The following EHBP1 variants were observed in gnomAD, a reference collection of about 807,000 sequenced individuals.
The protein encoded by EHBP1 is EH domain binding protein 1.
EHBP1 carries 55 observed loss-of-function variants against 144.0 expected under a neutral mutation model. The ratio of observed to expected loss-of-function variants is 0.38; its 90% CI spans 0.31 to 0.48. The LOEUF is 0.48. Among genes scored for constraint, EHBP1 ranks in the 20% least tolerant of loss-of-function variants. The pLI is 0.98. For missense variants in EHBP1, 1,200 were observed against 1,364.2 expected (o/e 0.88, Z 1.90); for synonymous variants, 469 against 472.7 (o/e 0.99, Z 0.10).
chr2:62,833,412 T>C (rs2046968018), intron 7 of EHBP1, among the ~76,000 whole-genome samples: 1 of 152,262 alleles, frequency 6.6e-6, no homozygotes, highest in African/African-American at 2.4e-5. Context: ...AGCCTTCTAT[T>C]GGAAGAAGAT....
chr2:62,742,500 G>A (rs1228747515), intron 2 of EHBP1, among the ~76,000 whole-genome samples: 2 of 151,964 alleles, frequency 1.3e-5, no homozygotes, highest in Non-Finnish European at 2.9e-5. Context: ...TGGAGAAATG[G>A]GAATTTTAAT....
At chr2:62,692,719 A>G (rs539573043) in intron 1 of EHBP1, among the ~76,000 whole-genome samples, 12 of 151,122 alleles carry the variant, frequency 7.9e-5, no homozygotes, top group Non-Finnish European at 1.6e-4. Flanking sequence ...GCCAATTTTC[A>G]TTATATTTTG....
At chr2:62,764,098 G>A (rs1179054384) in intron 3 of EHBP1, among the ~76,000 whole-genome samples, 168 bp from the exon 4 acceptor site, 1 of 151,966 alleles carries the variant, frequency 6.6e-6, no homozygotes, top group African/African-American at 2.4e-5. Context: ...AGTTTTATTT[G>A]ATTAAGCATT....
intron 2 of EHBP1, among the ~76,000 whole-genome samples, chr2:62,735,295 G>A (rs1358314741): frequency 6.7e-6 from 1 of 149,478 alleles, no homozygotes; most frequent in Non-Finnish European, 1.5e-5. Context: ...TTTTTTTTGT[G>A]GTTGCGTTAG....
intron 12 of EHBP1, 129 bp downstream of exon 12, chr2:62,943,979 C>A: frequency 1.7e-6 from 1 of 581,638 alleles, no homozygotes; most frequent in Non-Finnish European, 3.0e-6. Flanking sequence ...TGTCTGCTTA[C>A]TGCGGTTCAT....
intron 14 of EHBP1, among the ~76,000 whole-genome samples, chr2:62,960,978 C>T (rs1341851723): frequency 6.6e-6 from 1 of 152,160 alleles, no homozygotes; most frequent in Admixed American, 6.5e-5. Flanking sequence ...TATCCTGGGA[C>T]TCTGATTAGA....
At chr2:62,772,639 C>T (rs1003773127) in intron 5 of EHBP1, among the ~76,000 whole-genome samples, 1 of 152,232 alleles carries the variant, frequency 6.6e-6, no homozygotes, top group Non-Finnish European at 1.5e-5. Flanking sequence ...TGGGAAATTT[C>T]TTAAATTCTC....
At chr2:62,763,663 C>A (rs905661866) in intron 3 of EHBP1, among the ~76,000 whole-genome samples, 2 of 152,072 alleles carry the variant, frequency 1.3e-5, no homozygotes, top group Admixed American at 1.3e-4. Context: ...GGTGGTTACC[C>A]CCAAATTTTG....
intron 19 of EHBP1, among the ~76,000 whole-genome samples, chr2:63,008,556 A>G (rs923901196): frequency 6.7e-6 from 1 of 150,218 alleles, no homozygotes; most frequent in Admixed American, 6.6e-5. Context: ...TGATATATAA[A>G]TCACTGCTTT....
At chr2:62,817,129 T>C (rs1170363891) in intron 5 of EHBP1, among the ~76,000 whole-genome samples, 2 of 152,206 alleles carry the variant, frequency 1.3e-5, no homozygotes, top group East Asian at 3.8e-4. Context: ...TATTGAGTAG[T>C]GGCTATATGC....
intron 1 of EHBP1, among the ~76,000 whole-genome samples, chr2:62,696,814 AC>A (rs1419710896): frequency 6.6e-6 from 1 of 151,894 alleles, no homozygotes; most frequent in African/African-American, 2.4e-5. Context: ...ACCACGCCTG[AC>A]CTTTTTTTCT....
At chr2:62,937,422 A>G (rs1045230648) in intron 10 of EHBP1, among the ~76,000 whole-genome samples, 5 of 152,232 alleles carry the variant, frequency 3.3e-5, no homozygotes, top group Non-Finnish European at 7.3e-5. Flanking sequence ...TTTGTGGGGC[A>G]TAATAGGTGC....
intron 14 of EHBP1, chr2:62,956,118 G>A (rs2057681776): frequency 6.6e-6 from 1 of 152,364 alleles, no homozygotes; most frequent in South Asian, 2.1e-4. Context: ...CTTGTACAAG[G>A]TCACAGAGTC....
At chr2:62,940,212 C>T (rs1043314734) in intron 10 of EHBP1, 4 of 319,586 alleles carry the variant, frequency 1.3e-5, no homozygotes, top group Non-Finnish European at 2.5e-5. Flanking sequence ...CACAGTCCTT[C>T]TGAGATTGTT....
intron 3 of EHBP1, among the ~76,000 whole-genome samples, chr2:62,748,769 GA>G (rs2039391996): frequency 1.3e-5 from 2 of 152,184 alleles, no homozygotes; most frequent in East Asian, 3.9e-4. Flanking sequence ...CCTGTATAAA[GA>G]AAACTTTATT....
chr2:62,853,139 T>C (rs919274575), intron 7 of EHBP1, among the ~76,000 whole-genome samples: 2 of 152,180 alleles, frequency 1.3e-5, no homozygotes, highest in Admixed American at 1.3e-4. Flanking sequence ...AGCCTAGTAT[T>C]TTCATACCTG....
intron 2 of EHBP1, among the ~76,000 whole-genome samples, chr2:62,708,417 G>A (rs897498637): frequency 3.3e-5 from 5 of 152,122 alleles, no homozygotes; most frequent in East Asian, 1.9e-4. Flanking sequence ...TAAATTCACC[G>A]TGAGAGATGC....
chr2:62,973,234 CCCTT>C (rs1437405948), intron 14 of EHBP1, among the ~76,000 whole-genome samples: 2 of 152,096 alleles, frequency 1.3e-5, no homozygotes, highest in African/African-American at 4.8e-5. Context: ...GTAAAAATGA[CCCTT>C]CATTTTAGTT....
At chr2:62,836,378 C>T (rs1452376157) in intron 7 of EHBP1, among the ~76,000 whole-genome samples, 38 of 138,230 alleles carry the variant, frequency 2.7e-4, no homozygotes, top group African/African-American at 1.0e-3. Flanking sequence ...TAGATAAAAC[C>T]ACAAAGATGG....
Sources: allele counts gnomAD v4.1 joint callset (sites outside exome capture counted in the v4.1 genomes callset), GRCh38; gene constraint gnomAD v4.1.1; transcripts MANE v1.5; gene names NCBI Gene and HGNC (gene_info 2026-07-23, HGNC 2026-07-21).